MED27: variants seen among roughly 807,000 people sequenced by gnomAD.
MED27 encodes mediator complex subunit 27, also known as mediator of RNA polymerase II transcription subunit 27.
In MED27, 30 loss-of-function variants were observed where a neutral mutation model predicts 38.2. The observed-to-expected ratio is 0.79, with a 90% confidence interval of 0.59 to 1.07. The LOEUF (loss-of-function observed/expected upper bound fraction) is 1.07. MED27 is among the 50% of genes least tolerant of loss of function. MED27 has a pLI of 0.00. For missense variants in MED27, 289 were observed against 397.5 expected, an observed-to-expected ratio of 0.73 and a Z score of 2.32; for synonymous variants, 122 against 153.5, an observed-to-expected ratio of 0.79 and a Z score of 1.52.
At chr9:131,961,299 A>T in intron 3 of MED27, among the ~76,000 whole-genome samples, 1 of 152,218 alleles carries the variant, frequency 6.6e-6, no homozygotes, top group East Asian at 1.9e-4. Context: ...TCAGAGACAG[A>T]AGCTTGAAGC....
At chr9:131,926,744 T>C (rs893234980) in intron 4 of MED27, among the ~76,000 whole-genome samples, 1 of 152,222 alleles carries the variant, frequency 6.6e-6, no homozygotes, top group African/African-American at 2.4e-5. Context: ...TCTAAATGGT[T>C]GAAAACAAGA....
chr9:131,981,011 C>A lies in MED27; in HGVS notation c.479+33326G>T, dbSNP rs534769022. ...ATTAAACTCCAGGTTTTCACACACA[C>A]AAAAAAAATTCAGTATAGCTTTCTT... On this transcript the variant is annotated intron_variant, in intron 3 of 7. Transcript: ENST00000292035. 2.3e-3 allele frequency among the ~76,000 whole-genome samples: 347 copies of A among 151,954 alleles called. 1 individual carries two copies. Among genetic ancestry groups the A allele is most frequent in the South Asian group, 1.0e-2 (48 of 4,810 alleles).
At position 131,913,299 on chromosome 9, in the gene MED27, T is replaced by C. The variant is rs1830223978; in HGVS notation, c.574-19307A>G. Among the ~76,000 whole-genome samples, 2 of 152,196 alleles carry C rather than the reference T, an allele frequency of 1.3e-5. No homozygotes were observed. The highest frequency in any genetic ancestry group is 4.1e-4 in the South Asian group (2 of 4,822). On this transcript the variant is annotated intron_variant, in intron 4 of 7. Coordinates refer to ENST00000292035, the MANE Select transcript of MED27 (RefSeq NM_004269.4). This position sits in a 1 kb window ranked among gnomAD's most constrained non-coding sequence, Gnocchi z 4.5. ...TAAAGAAAGACCAGGACTTGGGCAT[T>C]TCATGGATCTCACTTCAAATCCCAG...
chr9:132,000,534 C>T (rs898565320), intron 3 of MED27, among the ~76,000 whole-genome samples: 1 of 152,100 alleles, frequency 6.6e-6, no homozygotes, highest in African/African-American at 2.4e-5. Context: ...AAGCACATGT[C>T]CATACAAAGA....
intron 6 of MED27, chr9:131,868,686 A>G (rs1838776136): frequency 1.0e-6 from 1 of 985,398 alleles, no homozygotes. Flanking sequence ...TGGGAGGCCC[A>G]GGCCTCTGCC....
At chr9:131,871,626 C>T (rs533595954) in intron 6 of MED27, among the ~76,000 whole-genome samples, 5 of 152,242 alleles carry the variant, frequency 3.3e-5, no homozygotes, top group East Asian at 3.9e-4. Flanking sequence ...CACAGCACAC[C>T]GCAGCCTCGA....
intron 2 of MED27, among the ~76,000 whole-genome samples, chr9:132,045,207 C>A (rs1239679559): frequency 6.6e-6 from 1 of 151,584 alleles, no homozygotes; most frequent in African/African-American, 2.4e-5. Flanking sequence ...CCAAGTATGC[C>A]AAGATAGATA....
At chr9:132,047,785 T>A (rs972198669) in intron 2 of MED27, among the ~76,000 whole-genome samples, 1 of 152,110 alleles carries the variant, frequency 6.6e-6, no homozygotes, top group Non-Finnish European at 1.5e-5. Flanking sequence ...TCATATAATA[T>A]CATAAAAATT....
At chr9:131,877,879 T>C (rs915750019) in intron 6 of MED27, among the ~76,000 whole-genome samples, 33 of 152,338 alleles carry the variant, frequency 2.2e-4, no homozygotes, top group African/African-American at 7.9e-4. Flanking sequence ...CTGAGTCTTC[T>C]AGGGCTGACT....
intron 3 of MED27, among the ~76,000 whole-genome samples, chr9:131,975,855 T>C (rs1321197193): frequency 6.6e-6 from 1 of 152,192 alleles, no homozygotes; most frequent in Non-Finnish European, 1.5e-5. Flanking sequence ...TCCTCACAGA[T>C]TCAAACATCA....
At chr9:131,980,524 C>A (rs1831710843) in intron 3 of MED27, among the ~76,000 whole-genome samples, 1 of 151,998 alleles carries the variant, frequency 6.6e-6, no homozygotes, top group African/African-American at 2.4e-5. Flanking sequence ...ACAAATGGGA[C>A]CTTAGGGCAA....
At chr9:131,937,787 T>C (rs1830709561) in intron 4 of MED27, among the ~76,000 whole-genome samples, 2 of 151,996 alleles carry the variant, frequency 1.3e-5, no homozygotes, top group African/African-American at 4.8e-5. Flanking sequence ...AGGTCTGGGG[T>C]ATCTTAAAAT....
chr9:132,040,741 C>T lies in MED27; in HGVS notation c.349-26274G>A, dbSNP rs140438841. 9.8e-4 allele frequency among the ~76,000 whole-genome samples: 149 copies of T among 152,312 alleles called. 1 individual carries two copies. The highest frequency in any genetic ancestry group is 3.4e-3 in the African/African-American group (141 of 41,556). On this transcript the variant is annotated intron_variant, in intron 2 of 7. Coordinates refer to ENST00000292035, the MANE Select transcript of MED27 (RefSeq NM_004269.4). The stretch of plus-strand genomic sequence containing the variant: ...CACATCTCTGTTTCTGCCGGTACGC[C>T]CTGTGCACGTGCACACACACCGCAC...
At position 131,864,343 on chromosome 9, in the gene MED27, T is replaced by G. The variant is rs376671124; in HGVS notation, c.724-1203A>C. Among the ~76,000 whole-genome samples the G allele has an allele frequency of 5.3e-5, 8 of 152,086 alleles. No individual in the cohort carries two copies. In the East Asian group the frequency reaches 1.2e-3, roughly 22 times the overall value. On this transcript the variant is annotated intron_variant, in intron 6 of 7. Coordinates refer to ENST00000292035, the MANE Select transcript of MED27 (RefSeq NM_004269.4). The stretch of plus-strand genomic sequence containing the variant: ...TAGAAAATACAAAAAATTAGCTGGC[T>G]GTGATGCCACACACCTATAGTCCCA...
intron 3 of MED27, among the ~76,000 whole-genome samples, chr9:131,987,430 G>A (rs1459194039): frequency 6.6e-6 from 1 of 152,080 alleles, no homozygotes; most frequent in Non-Finnish European, 1.5e-5. Context: ...TGCGGGGAGG[G>A]GGAGCGGTGG....
chr9:131,943,718 T>C (rs1798643579), intron 3 of MED27, among the ~76,000 whole-genome samples: 2 of 152,226 alleles, frequency 1.3e-5, no homozygotes, highest in Admixed American at 6.5e-5. Context: ...AATTTGCACA[T>C]ATCTGTCAAC....
At chr9:131,878,907 C>G (rs895562949) in intron 6 of MED27, among the ~76,000 whole-genome samples, 10 of 151,898 alleles carry the variant, frequency 6.6e-5, no homozygotes, top group Non-Finnish European at 1.5e-4. Flanking sequence ...CTTCTTCACC[C>G]TAGGACCAAG....
intron 4 of MED27, among the ~76,000 whole-genome samples, chr9:131,915,434 G>A (rs1481758110): frequency 1.3e-5 from 2 of 152,138 alleles, no homozygotes; most frequent in East Asian, 1.9e-4. Context: ...CACAAGAACT[G>A]TCACCATGGA....
Position 132,003,375 on chromosome 9 carries a change from C to T in MED27, c.479+10962G>A, listed in dbSNP as rs531069531. Among the ~76,000 whole-genome samples, 4 of 152,310 alleles carry T rather than the reference C, an allele frequency of 2.6e-5. No individual in the cohort carries two copies. The highest frequency in any genetic ancestry group is 1.9e-4 in the East Asian group (1 of 5,186). ...CAATTTCTCTTTGACTCAGTATCTA[C>T]GGAAGACACTGGGTTTTAAATTTTA... is the stretch of plus-strand genomic sequence containing the variant. On this transcript the variant is annotated intron_variant, in intron 3 of 7. Coordinates refer to ENST00000292035, the MANE Select transcript of MED27 (RefSeq NM_004269.4). The surrounding 1 kb of genome is among the most constrained non-coding windows in gnomAD (Gnocchi z 4.2).
Sources: allele counts gnomAD v4.1 joint callset (sites outside exome capture counted in the v4.1 genomes callset), GRCh38; gene constraint gnomAD v4.1.1; non-coding constraint Gnocchi (gnomAD v3.1); transcripts MANE v1.5; gene names NCBI Gene and HGNC (gene_info 2026-07-23, HGNC 2026-07-21).